Variants in MYO3B observed in about 807,000 individuals in gnomAD.
The protein encoded by MYO3B is myosin-IIIb.
MYO3B carries 156 observed loss-of-function variants against 174.6 expected under a neutral mutation model. The ratio of observed to expected loss-of-function variants is 0.89; its 90% CI spans 0.78 to 1.02. The LOEUF (loss-of-function observed/expected upper bound fraction) is 1.02, where lower values mean the gene tolerates loss of function less well. Ranked by LOEUF, MYO3B falls within the 50% of genes least tolerant of loss-of-function variation. The pLI is 0.00. For missense variants in MYO3B, 1,632 were observed against 1,639.4 expected (o/e 1.00, Z 0.08); for synonymous variants, 563 against 569.1 (o/e 0.99, Z 0.15).
intron 7 of MYO3B, among the ~76,000 whole-genome samples, chr2:170,250,445 A>T (rs543503510): frequency 6.6e-6 from 1 of 152,134 alleles, no homozygotes; most frequent in Non-Finnish European, 1.5e-5. Flanking sequence ...GACCCCCATC[A>T]CAGGACGTGA....
At chr2:170,351,886 A>T (rs763751543) in intron 8 of MYO3B, among the ~76,000 whole-genome samples, 1 of 152,208 alleles carries the variant, frequency 6.6e-6, no homozygotes, top group African/African-American at 2.4e-5. Context: ...CTCTAATCAT[A>T]CAGTTGGGGC....
At chr2:170,428,329 C>T (rs562131529) in intron 22 of MYO3B, among the ~76,000 whole-genome samples, 5 of 152,328 alleles carry the variant, frequency 3.3e-5, no homozygotes, top group African/African-American at 1.2e-4. Context: ...TACTGAACTG[C>T]TAAGAAATAA....
chr2:170,634,796 G>A (rs1697324860), intron 32 of MYO3B, among the ~76,000 whole-genome samples: 3 of 152,166 alleles, frequency 2.0e-5, no homozygotes, highest in African/African-American at 7.2e-5. Flanking sequence ...CCATCAAAAA[G>A]TGGGCAAAGG....
Position 170,391,540 on chromosome 2 carries a change from T to C in MYO3B, c.1598T>C (p.Ile533Thr). The change falls in exon 15 of 35, where the codon ATA (isoleucine) becomes ACA (threonine). Residue 533 changes from isoleucine to threonine, a missense_variant. By Grantham distance (89) the Ile-to-Thr change is moderately conservative (BLOSUM62 -1). Transcript: ENST00000408978. ...KQAAREKNFH[I>T]FYYIYAGLHH... The stretch of plus-strand genomic sequence containing the variant: ...TTCAGGAGAGAGAAAAATTTTCATA[T>C]ATTTTACTATATTTATGCTGGTCTT... 6.6e-7 allele frequency: 1 copy of C among 1,524,770 alleles called. No homozygotes were observed. Among genetic ancestry groups the C allele is most frequent in the South Asian group, 1.3e-5 (1 of 78,264 alleles). 94.5% of individuals were successfully genotyped at this position (1,524,770 alleles called of 1,614,324 possible).
intron 22 of MYO3B, 101 bp downstream of exon 22, chr2:170,407,945 C>A: frequency 2.2e-6 from 3 of 1,380,324 alleles, no homozygotes; most frequent in Non-Finnish European, 3.0e-6. Flanking sequence ...GCACCGCTAA[C>A]ATTGAACTTC....
In MYO3B at chr2:170,539,513, G is replaced by A. The variant is rs76329688; in HGVS notation, c.3576-3393G>A. Among the ~76,000 whole-genome samples the A allele has an allele frequency of 8.4e-3, 1,286 of 152,306 alleles. 47 individuals are homozygous for A. In the East Asian group the frequency reaches 0.089, roughly 11 times the overall value. On this transcript the variant is annotated intron_variant, in intron 30 of 34. Transcript: ENST00000408978. ...TTGCCTCTCTTGTGAAATGAAAGAA[G>A]GAGGTTAGCCACCTGTATGGTGGTA...
chr2:170,642,798 T>G (rs1181488990), intron 32 of MYO3B, among the ~76,000 whole-genome samples: 1 of 152,138 alleles, frequency 6.6e-6, no homozygotes, highest in Non-Finnish European at 1.5e-5. Flanking sequence ...CAGGGCATAC[T>G]TCCCTGTCTC....
At chr2:170,285,882 T>C (rs2093552710) in intron 7 of MYO3B, among the ~76,000 whole-genome samples, 2 of 152,110 alleles carry the variant, frequency 1.3e-5, no homozygotes, top group African/African-American at 4.8e-5. Context: ...TTTAGGTTTA[T>C]ATACATAATA....
intron 7 of MYO3B, among the ~76,000 whole-genome samples, chr2:170,249,498 G>T (rs1053659034): frequency 6.6e-5 from 10 of 152,188 alleles, no homozygotes; most frequent in African/African-American, 2.4e-4. Context: ...TATTCCTGTG[G>T]TCTCCAATGC....
intron 7 of MYO3B, among the ~76,000 whole-genome samples, chr2:170,264,101 T>C (rs1385433192): frequency 6.6e-6 from 1 of 152,232 alleles, no homozygotes; most frequent in Non-Finnish European, 1.5e-5. Flanking sequence ...CCATTAAACC[T>C]TGAGTCAACA....
At chr2:170,285,804 T>TG (rs2093551878) in intron 7 of MYO3B, among the ~76,000 whole-genome samples, 1 of 49,448 alleles carries the variant, frequency 2.0e-5, no homozygotes, top group African/African-American at 5.8e-5. Context: ...CATAATGTTG[T>TG]ATTTTTTTTT....
intron 25 of MYO3B, among the ~76,000 whole-genome samples, chr2:170,492,072 T>C (rs1686524555): frequency 6.7e-6 from 1 of 150,234 alleles, no homozygotes; most frequent in South Asian, 2.1e-4. Context: ...AAAAAAAAGA[T>C]TTGTGATTTG....
chr2:170,190,009 T>C (rs1239756802), intron 1 of MYO3B, among the ~76,000 whole-genome samples: 2 of 152,138 alleles, frequency 1.3e-5, no homozygotes, highest in African/African-American at 4.8e-5. Context: ...GGGACATGAG[T>C]GTTGTGATCT....
At chr2:170,191,239 C>G (rs2092536631) in intron 1 of MYO3B, among the ~76,000 whole-genome samples, 2 of 151,792 alleles carry the variant, frequency 1.3e-5, no homozygotes, top group African/African-American at 4.8e-5. Flanking sequence ...TCCCTCTCCT[C>G]TCCTCAAGCA....
At position 170,230,994 on chromosome 2, in the gene MYO3B, G is replaced by A. The variant is rs550590470; in HGVS notation, c.604-4997G>A. Reference sequence around the variant, plus strand: ...ATTAGTCAGAGGTGAAAGTCTCTTCGTGACCCAAGAGCTGCTGACTGTTGT... The same window carrying A: ...ATTAGTCAGAGGTGAAAGTCTCTTCATGACCCAAGAGCTGCTGACTGTTGT... On this transcript the variant is annotated intron_variant, in intron 6 of 34. Coordinates refer to ENST00000408978, the MANE Select transcript of MYO3B (RefSeq NM_138995.5). 2.3e-4 allele frequency among the ~76,000 whole-genome samples: 35 copies of A among 152,306 alleles called. 1 individual carries two copies. In the South Asian group the frequency reaches 4.6e-3, roughly 20 times the overall value.
At chr2:170,307,710 T>C (rs1052131443) in intron 7 of MYO3B, among the ~76,000 whole-genome samples, 1 of 152,204 alleles carries the variant, frequency 6.6e-6, no homozygotes, top group Non-Finnish European at 1.5e-5. Context: ...TACAGCTTCA[T>C]GATTGCTCTT....
At position 170,299,983 on chromosome 2, in the gene MYO3B, T is replaced by A. The variant is rs1356885469; in HGVS notation, c.750-35402T>A. Among the ~76,000 whole-genome samples the A allele has an allele frequency of 3.3e-5, 5 of 152,374 alleles. No homozygotes were observed. In the East Asian group the frequency reaches 5.8e-4, roughly 18 times the overall value. On this transcript the variant is annotated intron_variant, in intron 7 of 34. Coordinates refer to ENST00000408978, the MANE Select transcript of MYO3B (RefSeq NM_138995.5). ...AAGAAAGGCCTTGGATAATTCTCGA[T>A]GGTGTGCCACTTAATGATAACTCAC...
chr2:170,214,972 G>C (rs1341753746), intron 5 of MYO3B, 144 bp downstream of exon 5: 1 of 638,210 alleles, frequency 1.6e-6, no homozygotes, highest in Non-Finnish European at 2.8e-6. Context: ...GGAGGGGGTG[G>C]GGGCTCCAGA....
intron 8 of MYO3B, among the ~76,000 whole-genome samples, chr2:170,365,703 A>G (rs1247358622): frequency 1.3e-5 from 2 of 152,192 alleles, no homozygotes; most frequent in Non-Finnish European, 2.9e-5. Context: ...AAAATCCTCC[A>G]ATGCAGTTGG....
Sources: allele counts gnomAD v4.1 joint callset (sites outside exome capture counted in the v4.1 genomes callset), GRCh38; gene constraint gnomAD v4.1.1; transcripts MANE v1.5; gene names NCBI Gene and HGNC (gene_info 2026-07-23, HGNC 2026-07-21).